The following SLIT2 variants were observed in gnomAD, a reference collection of about 807,000 sequenced individuals.
SLIT2 encodes slit guidance ligand 2, also known as slit homolog 2 protein.
In SLIT2, 41 loss-of-function variants were observed where a neutral mutation model predicts 185.7. That is an observed-to-expected ratio of 0.22 (90% CI 0.17 to 0.29). SLIT2 has a LOEUF of 0.29. SLIT2 is among the 10% of genes least tolerant of loss of function. SLIT2 has a pLI of 1.00. For missense variants in SLIT2, 1,571 were observed against 1,909.0 expected, an observed-to-expected ratio of 0.82 and a Z score of 3.30; for synonymous variants, 693 against 680.2, an observed-to-expected ratio of 1.02 and a Z score of -0.29.
intron 4 of SLIT2, among the ~76,000 whole-genome samples, chr4:20,317,195 T>TC (rs1440447206): frequency 2.0e-5 from 3 of 151,940 alleles, no homozygotes; most frequent in Non-Finnish European, 4.4e-5. Flanking sequence ...TGAGACTTTT[T>TC]CCCCACATAC....
chr4:20,576,839 T>C (rs149166576), intron 29 of SLIT2, among the ~76,000 whole-genome samples: 1 of 152,340 alleles, frequency 6.6e-6, no homozygotes, highest in East Asian at 1.9e-4. Context: ...AATTTGAATT[T>C]ATTTATTTTG....
intron 4 of SLIT2, among the ~76,000 whole-genome samples, chr4:20,337,570 G>T (rs1181959018): frequency 6.6e-6 from 1 of 152,156 alleles, no homozygotes; most frequent in Non-Finnish European, 1.5e-5. Flanking sequence ...TTAAGTAATT[G>T]ACACTGGATG....
chr4:20,469,749 T>TA (rs1159944396), intron 5 of SLIT2, among the ~76,000 whole-genome samples: 4 of 135,886 alleles, frequency 2.9e-5, no homozygotes, highest in Non-Finnish European at 4.7e-5. Context: ...CCTTAGTTTT[T>TA]ACTTTTTTTT....
intron 4 of SLIT2, among the ~76,000 whole-genome samples, chr4:20,314,418 A>G (rs1035270832): frequency 2.0e-5 from 3 of 152,192 alleles, no homozygotes; most frequent in Non-Finnish European, 4.4e-5. Flanking sequence ...TATTGAGTAA[A>G]TGTATCTGTA....
At chr4:20,362,275 T>G (rs1287141156) in intron 4 of SLIT2, among the ~76,000 whole-genome samples, 1 of 152,106 alleles carries the variant, frequency 6.6e-6, no homozygotes, top group African/African-American at 2.4e-5. Flanking sequence ...TTGGAGTCAG[T>G]TGTGGAGCAC....
At chr4:20,368,340 A>AT (rs1415189757) in intron 4 of SLIT2, among the ~76,000 whole-genome samples, 1 of 151,564 alleles carries the variant, frequency 6.6e-6, no homozygotes, top group Non-Finnish European at 1.5e-5. Context: ...TAATAATAAA[A>AT]TTTAAAAAAA....
intron 9 of SLIT2, among the ~76,000 whole-genome samples, chr4:20,500,325 A>G (rs1030207543): frequency 2.0e-4 from 30 of 152,202 alleles, no homozygotes; most frequent in Non-Finnish European, 2.6e-4. Context: ...AATTTGAGCA[A>G]TTCTACTTTA....
chr4:20,297,680 T>TA lies in SLIT2; in HGVS notation c.395+28807dup, dbSNP rs200389053. Among the ~76,000 whole-genome samples, 47 of 148,422 alleles carry TA rather than the reference T, an allele frequency of 3.2e-4. 1 individual carries two copies. In the East Asian group the frequency reaches 3.6e-3, roughly 12 times the overall value. ...CAATATGTATTCTTATTGCTAATTT[T>TA]AAAAAAAATCTCATGGGTTTTTGTG... On this transcript the variant is annotated intron_variant, in intron 4 of 36. Transcript: ENST00000504154.
At position 20,598,370 on chromosome 4, in the gene SLIT2, T is replaced by C; in HGVS notation, c.3667T>C (p.Ser1223Pro). ...TGTTCGTGCCAGCTATGACACCGGC[T>C]CTCATCCAGCTTCTGCCATTTACAG... ...GRVRASYDTG[S>P]HPASAIYSVE... Residue 1223 changes from serine to proline, a missense_variant, in exon 33 of 37, where the codon TCT becomes CCT. Physicochemically the swap from Ser to Pro is moderately conservative, Grantham distance 74. This residue lies in a region of SLIT2 where 146 missense variants were observed against 247.4 expected (regional missense o/e 0.59). Transcript: ENST00000504154. 6.2e-7 allele frequency: 1 copy of C among 1,614,096 alleles called. No individual in the cohort carries two copies. The highest frequency in any genetic ancestry group is 8.5e-7 in the Non-Finnish European group (1 of 1,179,962).
In SLIT2 at chr4:20,610,136, T is replaced by G; in HGVS notation, c.3816T>G (p.Thr1272=). The change falls in exon 34 of 37, where the codon ACT becomes ACG. Residue 1272 remains threonine, a synonymous_variant. Transcript: ENST00000504154. ...TCACTAACTTGTCAAAGCAGTCCAC[T>G]CTGAATTTTGACTCTCCACTCTATG... ...KIITNLSKQS[T]LNFDSPLYVG... is the part of the protein sequence containing the mutation. The G allele has an allele frequency of 1.2e-6, 2 of 1,613,730 alleles. No individual in the cohort carries two copies. The highest frequency in any genetic ancestry group is 1.7e-6 in the Non-Finnish European group (2 of 1,179,730).
chr4:20,603,328 C>T (rs535905232), intron 33 of SLIT2, among the ~76,000 whole-genome samples: 11 of 152,146 alleles, frequency 7.2e-5, no homozygotes, highest in South Asian at 4.2e-4. Context: ...TCCCATAACA[C>T]GGGGAATTAT....
chr4:20,593,686 T>A (rs944241803), intron 30 of SLIT2, among the ~76,000 whole-genome samples: 1 of 152,166 alleles, frequency 6.6e-6, no homozygotes, highest in South Asian at 2.1e-4. Context: ...TTAGCTTGAC[T>A]GTGGTAATTA....
chr4:20,458,802 C>T (rs1713373587), intron 4 of SLIT2, among the ~76,000 whole-genome samples: 1 of 152,216 alleles, frequency 6.6e-6, no homozygotes, highest in South Asian at 2.1e-4. Context: ...CCTCTCCAAA[C>T]CCCAGTTCCT....
rs552886749 is a variant in SLIT2, at chr4:20,466,477, G to T, written c.396-1275G>T. ...GCTACAGACCTTTACTGTTTAAATA[G>T]ACTAGTATTTATTTTTTTTACGAAT... is the stretch of plus-strand genomic sequence containing the variant. On this transcript the variant is annotated intron_variant, in intron 4 of 36. Transcript: ENST00000504154. Among the ~76,000 whole-genome samples the T allele has an allele frequency of 8.8e-4, 134 of 152,156 alleles. 1 individual carries two copies. Among genetic ancestry groups the T allele is most frequent in the African/African-American group, 3.1e-3 (130 of 41,510 alleles).
intron 4 of SLIT2, among the ~76,000 whole-genome samples, chr4:20,315,423 G>C (rs955288919): frequency 6.6e-6 from 1 of 152,126 alleles, no homozygotes; most frequent in Non-Finnish European, 1.5e-5. Flanking sequence ...GATATCTTAA[G>C]TGAGAAAAGC....
rs76963156 is a variant in SLIT2 at position 20,298,740 on chromosome 4, G to C, written c.395+29859G>C. 2.3e-3 allele frequency among the ~76,000 whole-genome samples: 348 copies of C among 152,272 alleles called. 1 individual carries two copies. Among genetic ancestry groups the C allele is most frequent in the African/African-American group, 7.9e-3 (330 of 41,548 alleles). ...ACAGAAACATCTTGATATGTTGCTG[G>C]AGGTTTAAGAAAGTCTTGTTGCTTA... On this transcript the variant is annotated intron_variant, in intron 4 of 36. Transcript: ENST00000504154.
At chr4:20,478,924 C>G (rs1716404854) in intron 5 of SLIT2, among the ~76,000 whole-genome samples, 1 of 152,028 alleles carries the variant, frequency 6.6e-6, no homozygotes, top group South Asian at 2.1e-4. Context: ...TTCTTGGAAC[C>G]ACAGCAGCCA....
intron 4 of SLIT2, among the ~76,000 whole-genome samples, chr4:20,456,097 T>G (rs1713036744): frequency 6.6e-6 from 1 of 152,100 alleles, no homozygotes; most frequent in African/African-American, 2.4e-5. Flanking sequence ...ACAACAAGCC[T>G]TGCTGTTCTC....
In SLIT2 at chr4:20,502,536, A is replaced by T. The variant is rs77085379; in HGVS notation, c.915-7959A>T. On this transcript the variant is annotated intron_variant, in intron 9 of 36. Transcript: ENST00000504154. Reference sequence around the variant, plus strand: ...TAAATAGTAAAATATGTGTGCACAAAAAACAAAGAGAGAGGGCTACCTTGA... The same window carrying T: ...TAAATAGTAAAATATGTGTGCACAATAAACAAAGAGAGAGGGCTACCTTGA... 7.5e-3 allele frequency among the ~76,000 whole-genome samples: 1,138 copies of T among 152,296 alleles called. 7 individuals are homozygous for T. The highest frequency in any genetic ancestry group is 0.014 in the Middle Eastern group (4 of 294).
Sources: gnomAD v4.1 joint callset for allele counts (sites outside exome capture counted in the v4.1 genomes callset) on GRCh38, gnomAD v4.1.1 for gene constraint, gnomAD v4.1.1 regional missense constraint, MANE v1.5 for transcripts, NCBI Gene and HGNC (gene_info 2026-07-23, HGNC 2026-07-21) for gene names.